OSBPL6: variants seen among roughly 807,000 people sequenced by gnomAD.
OSBPL6 encodes oxysterol-binding protein-related protein 6.
In OSBPL6, 49 loss-of-function variants were observed where a neutral mutation model predicts 125.8. That is an observed-to-expected ratio of 0.39 (90% CI 0.31 to 0.49). The LOEUF (loss-of-function observed/expected upper bound fraction) is 0.49. OSBPL6 is among the 20% of genes least tolerant of loss of function. The probability of loss-of-function intolerance (pLI) is 0.88; values close to 1 mark genes in which losing one functional copy is unlikely to be tolerated. For synonymous variants in OSBPL6, 394 were observed against 391.8 expected (o/e 1.01, Z -0.07); for missense variants, 986 against 1,135.4 (o/e 0.87, Z 1.89).
At position 178,401,662 on chromosome 2, in the gene OSBPL6, T is replaced by C. The variant is rs895172370; in HGVS notation, c.*6103T>C. The C allele has an allele frequency of 2.0e-5, 3 of 152,224 alleles. No homozygotes were observed. The highest frequency in any genetic ancestry group is 2.9e-5 in the Non-Finnish European group (2 of 68,038). 9.4% of individuals were successfully genotyped at this position (152,224 alleles called of 1,614,324 possible). On this transcript the variant is annotated 3_prime_UTR_variant, in exon 25 of 25. Transcript: ENST00000190611. The stretch of plus-strand genomic sequence containing the variant: ...CTAACTGGGGCAGGGATCTTGCTTC[T>C]TGGGGGCATATGGTTGGATCCCAGG...
chr2:178,395,067 G>A (rs1559334991), intron 24 of OSBPL6, among the ~76,000 whole-genome samples: 2 of 152,188 alleles, frequency 1.3e-5, no homozygotes, highest in African/African-American at 4.8e-5. Context: ...CATGGGCCCA[G>A]TAGGGGCTCT....
At chr2:178,216,611 A>C (rs376093525) in intron 1 of OSBPL6, among the ~76,000 whole-genome samples, 1 of 152,252 alleles carries the variant, frequency 6.6e-6, no homozygotes, top group African/African-American at 2.4e-5. Context: ...TGGTTGATTA[A>C]GGCAGGAATT....
intron 3 of OSBPL6, among the ~76,000 whole-genome samples, chr2:178,315,872 T>C (rs1015600568): frequency 2.0e-5 from 3 of 152,170 alleles, no homozygotes; most frequent in African/African-American, 4.8e-5. Flanking sequence ...TTGGAAATGA[T>C]CACTTTACAG....
chr2:178,232,788 T>C (rs545403109), intron 1 of OSBPL6, among the ~76,000 whole-genome samples: 85 of 152,230 alleles, frequency 5.6e-4, no homozygotes, highest in African/African-American at 1.8e-3. Flanking sequence ...CAGCTCCCAA[T>C]TGGTCTTTCA....
chr2:178,282,179 G>A (rs1421054252), intron 1 of OSBPL6, among the ~76,000 whole-genome samples: 1 of 152,208 alleles, frequency 6.6e-6, no homozygotes, highest in African/African-American at 2.4e-5. Flanking sequence ...AGGCTGTATT[G>A]GCAAAGACTA....
In OSBPL6 at chr2:178,362,983, G is replaced by A. The variant is rs150602412; in HGVS notation, c.1287+1168G>A. ...TGGATCGGTCGAACACTCAGTTGAC[G>A]TTAATTGGTCTTCCAAATCATTATT... On this transcript the variant is annotated intron_variant, in intron 13 of 24. Transcript: ENST00000190611. Among the ~76,000 whole-genome samples the A allele has an allele frequency of 3.2e-3, 487 of 152,314 alleles. 4 individuals carry two copies. Among genetic ancestry groups the A allele is most frequent in the African/African-American group, 0.011 (471 of 41,578 alleles).
chr2:178,225,756 G>GT (rs1473007623), intron 1 of OSBPL6, among the ~76,000 whole-genome samples: 2 of 152,206 alleles, frequency 1.3e-5, no homozygotes, highest in East Asian at 3.9e-4. Flanking sequence ...AGAAACTCCC[G>GT]TTTTTAAAAC....
Position 178,345,886 on chromosome 2 carries a change from A to C in OSBPL6, c.988-3338A>C, listed in dbSNP as rs142209224. Among the ~76,000 whole-genome samples, 483 of 152,354 alleles carry C rather than the reference A, an allele frequency of 3.2e-3. 3 individuals carry two copies. The highest frequency in any genetic ancestry group is 0.011 in the African/African-American group (462 of 41,586). On this transcript the variant is annotated intron_variant, in intron 11 of 24. Coordinates refer to ENST00000190611, the MANE Select transcript of OSBPL6 (RefSeq NM_032523.4). The stretch of plus-strand genomic sequence containing the variant: ...AAAACTGAGATTAGCACCTATTTGA[A>C]TAGAATGGGTTTATATTTTTAAAAT...
At chr2:178,317,436 C>T (rs914177434) in intron 3 of OSBPL6, among the ~76,000 whole-genome samples, 8 of 59,892 alleles carry the variant, frequency 1.3e-4, no homozygotes, top group Admixed American at 2.9e-4. Context: ...AACTTAGACA[C>T]CATATATATA....
chr2:178,285,923 T>C (rs938543429), intron 2 of OSBPL6, among the ~76,000 whole-genome samples: 7 of 152,202 alleles, frequency 4.6e-5, no homozygotes, highest in Non-Finnish European at 8.8e-5. Flanking sequence ...GAAAGTTTCT[T>C]TTGTATCCTG....
intron 1 of OSBPL6, among the ~76,000 whole-genome samples, chr2:178,230,770 T>A (rs2090782597): frequency 6.6e-6 from 1 of 152,198 alleles, no homozygotes; most frequent in Non-Finnish European, 1.5e-5. Context: ...TGGATTATGC[T>A]TTTGTGTGGT....
intron 15 of OSBPL6, among the ~76,000 whole-genome samples, chr2:178,380,997 G>A (rs557633131): frequency 3.4e-4 from 52 of 152,256 alleles, no homozygotes; most frequent in African/African-American, 1.1e-3. Context: ...TATAGGTGAT[G>A]GGCTGATGGG....
chr2:178,375,551 T>C (rs1003359294), intron 15 of OSBPL6, among the ~76,000 whole-genome samples: 11 of 151,950 alleles, frequency 7.2e-5, no homozygotes, highest in Non-Finnish European at 1.2e-4. Flanking sequence ...GCCTCCCAAG[T>C]AGTGGGGATT....
intron 8 of OSBPL6, among the ~76,000 whole-genome samples, chr2:178,334,173 C>A (rs1689466541): frequency 6.6e-6 from 1 of 152,206 alleles, no homozygotes; most frequent in Non-Finnish European, 1.5e-5. Flanking sequence ...AATTAAGTTT[C>A]CTGAAACCTA....
At position 178,282,795 on chromosome 2, in the gene OSBPL6, G is replaced by T. The variant is rs186072666; in HGVS notation, c.-350-2132G>T. Among the ~76,000 whole-genome samples the T allele has an allele frequency of 1.3e-4, 20 of 152,212 alleles. No homozygotes were observed. The East Asian group carries it at 2.9e-3, about 22-fold the overall frequency. ...GCCTCCTAAGTAGCTGGGATTATAG[G>T]TGCCTGCCACCATGCCCAGCTAATT... On this transcript the variant is annotated intron_variant, in intron 1 of 24. Transcript: ENST00000190611.
At chr2:178,354,881 A>T (rs1038567017) in intron 12 of OSBPL6, among the ~76,000 whole-genome samples, 3 of 152,178 alleles carry the variant, frequency 2.0e-5, no homozygotes, top group African/African-American at 7.2e-5. Context: ...ATCACAGCAA[A>T]CTGTCTCTCA....
chr2:178,226,447 A>G (rs1416967248), intron 1 of OSBPL6, among the ~76,000 whole-genome samples: 4 of 152,222 alleles, frequency 2.6e-5, no homozygotes, highest in African/African-American at 9.6e-5. Flanking sequence ...TGGGGTGGGA[A>G]GAGGCAAATG....
chr2:178,382,603 C>A, intron 16 of OSBPL6, 96 bp downstream of exon 16: 1 of 1,562,660 alleles, frequency 6.4e-7, no homozygotes. Context: ...ACGCCACCCC[C>A]ACCCCTGCTA....
chr2:178,218,418 AAAG>A (rs1398269917), intron 1 of OSBPL6, among the ~76,000 whole-genome samples: 203 of 151,654 alleles, frequency 1.3e-3, no homozygotes, highest in African/African-American at 4.5e-3. Flanking sequence ...TAAAAAAAAA[AAAG>A]AGAGAGAGAG....
Sources: allele counts gnomAD v4.1 joint callset (sites outside exome capture counted in the v4.1 genomes callset), GRCh38; gene constraint gnomAD v4.1.1; transcripts MANE v1.5; gene names NCBI Gene and HGNC (gene_info 2026-07-23, HGNC 2026-07-21).